MAN1A2: variants seen among roughly 807,000 people sequenced by gnomAD.
MAN1A2 encodes the protein mannosidase alpha class 1A member 2.
In MAN1A2, 26 loss-of-function variants were observed where a neutral mutation model predicts 75.7. That is an observed-to-expected ratio of 0.34 (90% CI 0.25 to 0.48). MAN1A2 has a LOEUF of 0.48. Ranked by LOEUF, MAN1A2 falls within the 20% of genes least tolerant of loss-of-function variation. MAN1A2 has a pLI of 0.99. For missense variants in MAN1A2, 562 were observed against 775.5 expected (o/e 0.72, Z 3.27); for synonymous variants, 247 against 264.6 (o/e 0.93, Z 0.65).
chr1:117,509,932 T>A lies in MAN1A2; in HGVS notation c.1793+6962T>A, dbSNP rs921551764. On this transcript the variant is annotated intron_variant, in intron 12 of 12. Transcript: ENST00000356554. Reference sequence around the variant, plus strand: ...GAAATTTTCTGGGTATATGCAAACATATAAAAATATATATAATATATATCC... The same window carrying A: ...GAAATTTTCTGGGTATATGCAAACAAATAAAAATATATATAATATATATCC... 6.6e-5 allele frequency among the ~76,000 whole-genome samples: 10 copies of A among 151,616 alleles called. 1 individual carries two copies. Among genetic ancestry groups the A allele is most frequent in the Admixed American group, 6.6e-4 (10 of 15,166 alleles).
intron 7 of MAN1A2, among the ~76,000 whole-genome samples, chr1:117,462,723 G>A (rs985979036): frequency 5.9e-5 from 9 of 152,168 alleles, no homozygotes; most frequent in Non-Finnish European, 1.3e-4. Flanking sequence ...TGTGGAAAAC[G>A]TAATTTTTGG....
intron 12 of MAN1A2, among the ~76,000 whole-genome samples, chr1:117,512,560 G>A (rs775171735): frequency 3.3e-5 from 5 of 152,020 alleles, no homozygotes; most frequent in Non-Finnish European, 7.4e-5. Flanking sequence ...GACAATTAGG[G>A]ATTAAGAAAT....
chr1:117,414,588 A>G (rs1647928053), intron 3 of MAN1A2, 125 bp from the exon 4 acceptor site: 2 of 540,028 alleles, frequency 3.7e-6, no homozygotes, highest in Admixed American at 2.9e-5. Flanking sequence ...CTCTTACTTT[A>G]GTTTACCTTT....
At chr1:117,371,222 C>T (rs1433145044) in intron 1 of MAN1A2, among the ~76,000 whole-genome samples, 1 of 152,090 alleles carries the variant, frequency 6.6e-6, no homozygotes, top group Non-Finnish European at 1.5e-5. Context: ...AAGTAGGGTA[C>T]AGTTTGATTA....
At chr1:117,384,432 TCTAA>T (rs1570699002) in intron 1 of MAN1A2, among the ~76,000 whole-genome samples, 1 of 152,170 alleles carries the variant, frequency 6.6e-6, no homozygotes, top group East Asian at 1.9e-4. Context: ...ATTATTAATA[TCTAA>T]CTTCATTTCA....
intron 5 of MAN1A2, among the ~76,000 whole-genome samples, chr1:117,430,152 G>T (rs1168279652): frequency 1.1e-4 from 10 of 89,610 alleles, no homozygotes; most frequent in Admixed American, 8.6e-4. Flanking sequence ...CCCAGTAGGG[G>T]TGGCCGGGCA....
At chr1:117,398,628 C>T (rs756899931) in intron 1 of MAN1A2, among the ~76,000 whole-genome samples, 36 of 149,790 alleles carry the variant, frequency 2.4e-4, no homozygotes, top group Non-Finnish European at 5.0e-4. Flanking sequence ...GAGCCGAGAT[C>T]GTGCCACTGC....
At chr1:117,378,845 C>T (rs1031874562) in intron 1 of MAN1A2, among the ~76,000 whole-genome samples, 7 of 152,018 alleles carry the variant, frequency 4.6e-5, no homozygotes, top group Non-Finnish European at 1.0e-4. Context: ...CTTTGAGTTA[C>T]TTGTTCAGTT....
intron 5 of MAN1A2, among the ~76,000 whole-genome samples, chr1:117,434,216 A>C (rs534287399): frequency 1.8e-4 from 27 of 152,312 alleles, no homozygotes; most frequent in Non-Finnish European, 2.1e-4. Flanking sequence ...TTATAGAGCT[A>C]TATCACGATT....
chr1:117,471,982 G>T lies in MAN1A2; in HGVS notation c.1168+5555G>T, dbSNP rs925544540. On this transcript the variant is annotated intron_variant, in intron 8 of 12. Coordinates refer to ENST00000356554, the MANE Select transcript of MAN1A2 (RefSeq NM_006699.5). ...ATAGGCTAAATTAGGAAAAGGAAAG[G>T]CTTACAGCAGAAGGACATACTAGAA... Among the ~76,000 whole-genome samples, 3 of 151,364 alleles carry T rather than the reference G, an allele frequency of 2.0e-5. No individual in the cohort carries two copies. In the Admixed American group the frequency reaches 2.0e-4, roughly 10 times the overall value.
intron 5 of MAN1A2, among the ~76,000 whole-genome samples, chr1:117,438,254 A>T (rs1362013967): frequency 2.0e-5 from 3 of 152,234 alleles, no homozygotes; most frequent in Admixed American, 1.3e-4. Context: ...TTAACAAAAA[A>T]GTTTAAAAAG....
At chr1:117,480,017 G>A (rs1325517418) in intron 8 of MAN1A2, among the ~76,000 whole-genome samples, 1 of 151,876 alleles carries the variant, frequency 6.6e-6, no homozygotes, top group Non-Finnish European at 1.5e-5. Context: ...AATTTTTCTT[G>A]TCTGGCTGGT....
chr1:117,456,169 A>G (rs1369994308), intron 6 of MAN1A2, among the ~76,000 whole-genome samples: 1 of 152,108 alleles, frequency 6.6e-6, no homozygotes, highest in African/African-American at 2.4e-5. Context: ...ATCACGGCGT[A>G]TTTCACAAAA....
At chr1:117,370,362 A>G (rs187308569) in intron 1 of MAN1A2, among the ~76,000 whole-genome samples, 7 of 152,316 alleles carry the variant, frequency 4.6e-5, no homozygotes, top group East Asian at 1.9e-4. Flanking sequence ...TTTGGAATCT[A>G]TTCGGTTCCT....
chr1:117,372,637 T>C (rs1203385927), intron 1 of MAN1A2, among the ~76,000 whole-genome samples: 1 of 152,204 alleles, frequency 6.6e-6, no homozygotes, highest in Admixed American at 6.5e-5. Flanking sequence ...ATCTATGATT[T>C]TGCAGTACCC....
chr1:117,406,288 C>T lies in MAN1A2; in HGVS notation c.655+643C>T, dbSNP rs1170590061. ...AAGTCTTCAGAATTGTTAAGCTACT[C>T]TTTGTAGTCTTCACTCCTTTCCCCC... On this transcript the variant is annotated intron_variant, in intron 3 of 12. Coordinates refer to ENST00000356554, the MANE Select transcript of MAN1A2 (RefSeq NM_006699.5). Among the ~76,000 whole-genome samples the T allele has an allele frequency of 2.6e-5, 4 of 152,148 alleles. No individual in the cohort carries two copies. The East Asian group carries it at 5.8e-4, about 22-fold the overall frequency.
chr1:117,499,509 C>T lies in MAN1A2; in HGVS notation c.1632C>T (p.Phe544=), dbSNP rs768629658. The T allele has an allele frequency of 1.2e-6, 2 of 1,607,804 alleles. No individual in the cohort carries two copies. The highest frequency in any genetic ancestry group is 3.4e-5 in the Admixed American group (2 of 59,204). ...AAACCTATTGGTACCTATGGCGATT[C>T]ACTCACGATCCAAGATACAGGCAGT... The part of the protein sequence containing the change: ...VIETYWYLWR[F]THDPRYRQWG... Residue 544 remains phenylalanine (F), a synonymous_variant, in exon 11 of 13, where the codon TTC becomes TTT. Coordinates refer to ENST00000356554, the MANE Select transcript of MAN1A2 (RefSeq NM_006699.5).
At chr1:117,416,196 A>G (rs921199314) in intron 4 of MAN1A2, among the ~76,000 whole-genome samples, 1 of 152,074 alleles carries the variant, frequency 6.6e-6, no homozygotes, top group Non-Finnish European at 1.5e-5. Flanking sequence ...CTACTTTTAT[A>G]TGCCACATTA....
At chr1:117,503,724 C>T (rs1213803568) in intron 12 of MAN1A2, among the ~76,000 whole-genome samples, 1 of 151,552 alleles carries the variant, frequency 6.6e-6, no homozygotes, top group East Asian at 1.9e-4. Context: ...AGGCACTGTT[C>T]AAGCCACTTG....
Sources: allele counts gnomAD v4.1 joint callset (sites outside exome capture counted in the v4.1 genomes callset), GRCh38; gene constraint gnomAD v4.1.1; transcripts MANE v1.5; gene names NCBI Gene and HGNC (gene_info 2026-07-23, HGNC 2026-07-21).